Variants in PWWP2A observed in about 807,000 individuals in gnomAD.
PWWP2A encodes the protein PWWP domain-containing protein 2A.
In PWWP2A, 18 loss-of-function variants were observed where a neutral mutation model predicts 48.5. The observed-to-expected ratio is 0.37, with a 90% CI of 0.26 to 0.55. The LOEUF (loss-of-function observed/expected upper bound fraction) is 0.55. PWWP2A is among the 20% of genes least tolerant of loss of function. The pLI is 0.81. For synonymous variants in PWWP2A, 396 were observed against 387.7 expected, an observed-to-expected ratio of 1.02 and a Z score of -0.25; for missense variants, 867 against 976.4, an observed-to-expected ratio of 0.89 and a Z score of 1.49.
chr5:160,049,514 C>A, the PWWP2A span: 1 of 1,562,698 alleles, frequency 6.4e-7, no homozygotes, highest in Non-Finnish European at 8.6e-7. Context: ...CTTTTTACAG[C>A]AATTCAATTA....
rs1258637456 is a variant in PWWP2A, at chr5:160,066,280, C to A, written c.*236+268G>T. Among the ~76,000 whole-genome samples the A allele has an allele frequency of 4.0e-5, 5 of 125,766 alleles. No homozygotes were observed. In the Admixed American group the frequency reaches 4.2e-4, roughly 10 times the overall value. 82.5% of individuals were successfully genotyped at this position (125,766 alleles called of 152,430 possible). A position where few individuals can be genotyped will look rare whatever the true frequency, so the allele number is the denominator to read the frequency against. On this transcript the variant is annotated intron_variant and NMD_transcript_variant, in intron 4 of 5. Coordinates refer to the PWWP2A transcript ENST00000524050. ...TGCTTCCTGTGCAGCCAGCATTATG[C>A]TAGAAAGTGGTTCTCATTTTTTTTT...
At position 160,077,979 on chromosome 5, in the gene PWWP2A, T is replaced by C; in HGVS notation, c.*176A>G. On this transcript the variant is annotated 3_prime_UTR_variant, in exon 4 of 4. Coordinates refer to the PWWP2A transcript ENST00000456329. This position sits in a 1 kb window ranked among gnomAD's most constrained non-coding sequence, Gnocchi z 4.2. ...TTTTTATAAAATATTCCCTAATACC[T>C]TTTCTTCGGTTTAAGACAGCACAAT... 1.9e-6 allele frequency: 1 copy of C among 517,948 alleles called. No homozygotes were observed. The highest frequency in any genetic ancestry group is 3.5e-6 in the Non-Finnish European group (1 of 286,758). 32.1% of individuals were successfully genotyped at this position (517,948 alleles called of 1,614,324 possible).
At chr5:160,107,106 C>T (rs1381482178) in intron 1 of PWWP2A, among the ~76,000 whole-genome samples, 1 of 152,162 alleles carries the variant, frequency 6.6e-6, no homozygotes, top group Non-Finnish European at 1.5e-5. Flanking sequence ...GATTTATAGG[C>T]ATGAGCCACC....
At chr5:160,045,057 A>T in the PWWP2A span, among the ~76,000 whole-genome samples, 1 of 152,140 alleles carries the variant, frequency 6.6e-6, no homozygotes, top group African/African-American at 2.4e-5. Context: ...AAGTTATTTA[A>T]CCTATTTCCT....
At chr5:160,047,994 C>G in the PWWP2A span, among the ~76,000 whole-genome samples, 1 of 151,984 alleles carries the variant, frequency 6.6e-6, no homozygotes, top group South Asian at 2.1e-4. Flanking sequence ...TGTCTTGTTT[C>G]CCACTATAGC....
At chr5:160,049,880 C>A in the PWWP2A span, among the ~76,000 whole-genome samples, 1,141 of 151,978 alleles carry the variant, frequency 7.5e-3, 8 homozygotes, top group Non-Finnish European at 0.013. Flanking sequence ...GAGCTCGAGA[C>A]CAGCCTGGCC....
intron 2 of PWWP2A, among the ~76,000 whole-genome samples, chr5:160,070,836 T>C (rs945442151): frequency 4.5e-4 from 69 of 152,212 alleles, no homozygotes; most frequent in African/African-American, 1.4e-3. Flanking sequence ...AATCCATAAA[T>C]GCTGAGAGTT....
chr5:160,058,519 T>C (rs1757607671), downstream of PWWP2A, among the ~76,000 whole-genome samples: 1 of 151,268 alleles, frequency 6.6e-6, no homozygotes, highest in Non-Finnish European at 1.5e-5. Context: ...CACGCCATTC[T>C]CCTGCCTCAG....
chr5:160,088,277 T>C (rs1048641896), downstream of PWWP2A, among the ~76,000 whole-genome samples: 1 of 152,182 alleles, frequency 6.6e-6, no homozygotes, highest in Non-Finnish European at 1.5e-5. Context: ...CAGGCTGGAG[T>C]GCAACCTCCG....
intron 2 of PWWP2A, among the ~76,000 whole-genome samples, chr5:160,068,288 G>T (rs1022070954): frequency 6.6e-6 from 1 of 152,096 alleles, no homozygotes; most frequent in African/African-American, 2.4e-5. Context: ...TTCTTATTCC[G>T]ACAATATTGC....
intron 2 of PWWP2A, among the ~76,000 whole-genome samples, chr5:160,082,435 C>T (rs529808635): frequency 8.2e-6 from 1 of 122,350 alleles, no homozygotes; most frequent in Non-Finnish European, 1.7e-5. Context: ...CAGAGCGAGA[C>T]TCCGTCTCAA....
Position 160,091,379 on chromosome 5 carries a change from T to G in PWWP2A, c.*1003A>C, listed in dbSNP as rs1755048159. On this transcript the variant is annotated 3_prime_UTR_variant, in exon 2 of 2. Coordinates refer to ENST00000307063, the MANE Select transcript of PWWP2A (RefSeq NM_001130864.2). Reference sequence around the variant, plus strand: ...TTTTATTTACAGCTTTTTTTTGGTTTTTTTTTTTTTTTTTACATTTCAGAG... The same window carrying G: ...TTTTATTTACAGCTTTTTTTTGGTTGTTTTTTTTTTTTTTACATTTCAGAG... 4.6e-6 allele frequency: 4 copies of G among 870,034 alleles called. No homozygotes were observed. Among genetic ancestry groups the G allele is most frequent in the Middle Eastern group, 6.1e-4 (1 of 1,650 alleles). The allele number at this position is 870,034 out of a possible 1,614,324, so 53.9% of individuals were successfully genotyped here. A position where few individuals can be genotyped will look rare whatever the true frequency, so the allele number is the denominator to read the frequency against.
At chr5:160,101,142 G>A (rs1292746114) in intron 1 of PWWP2A, among the ~76,000 whole-genome samples, 1 of 152,214 alleles carries the variant, frequency 6.6e-6, no homozygotes, top group African/African-American at 2.4e-5. Flanking sequence ...CTTGAGGCCA[G>A]GAGTTCAAGA....
downstream of PWWP2A, among the ~76,000 whole-genome samples, chr5:160,058,236 G>A (rs766528900): frequency 3.3e-5 from 5 of 152,060 alleles, no homozygotes; most frequent in African/African-American, 4.8e-5. Flanking sequence ...ATCTTCAAGC[G>A]CCACTCGAAT....
chr5:160,053,420 C>T, the PWWP2A span, among the ~76,000 whole-genome samples: 1 of 152,012 alleles, frequency 6.6e-6, no homozygotes, highest in Admixed American at 6.6e-5. Context: ...AAAAATTAGC[C>T]AGGTGTGCTG....
At chr5:160,107,349 TA>T (rs1417969749) in intron 1 of PWWP2A, among the ~76,000 whole-genome samples, 1 of 152,338 alleles carries the variant, frequency 6.6e-6, no homozygotes, top group African/African-American at 2.4e-5. Context: ...CATTCTATAT[TA>T]AATCTACCTA....
At chr5:160,049,268 G>A in the PWWP2A span, among the ~76,000 whole-genome samples, 3 of 152,102 alleles carry the variant, frequency 2.0e-5, no homozygotes, top group African/African-American at 7.2e-5. Context: ...TATTATCTGT[G>A]CCTGCTCTCG....
intron 1 of PWWP2A, among the ~76,000 whole-genome samples, chr5:160,107,442 T>G (rs963323733): frequency 6.6e-6 from 1 of 152,206 alleles, no homozygotes; most frequent in Non-Finnish European, 1.5e-5. Context: ...GTGTCTGAAT[T>G]TACTCAAGAA....
intron 2 of PWWP2A, chr5:160,080,844 T>TA: frequency 7.2e-7 from 1 of 1,394,190 alleles, no homozygotes; most frequent in Non-Finnish European, 9.6e-7. Context: ...ACCAAAAAAA[T>TA]AGTTTTAAAA....
Sources: allele counts gnomAD v4.1 joint callset (sites outside exome capture counted in the v4.1 genomes callset), GRCh38; gene constraint gnomAD v4.1.1; non-coding constraint Gnocchi (gnomAD v3.1); transcripts MANE v1.5; gene names NCBI Gene and HGNC (gene_info 2026-07-23, HGNC 2026-07-21).